TNFRSF11B: variants seen among roughly 807,000 people sequenced by gnomAD.
TNFRSF11B encodes TNF receptor superfamily member 11b.
Under a neutral mutation model 43.4 loss-of-function variants are expected in TNFRSF11B, and 16 were observed. That is an observed-to-expected ratio of 0.37 (90% CI 0.25 to 0.56). TNFRSF11B has a LOEUF of 0.56. Ranked by LOEUF, TNFRSF11B falls within the 20% of genes least tolerant of loss-of-function variation. TNFRSF11B has a pLI of 0.80. For synonymous variants in TNFRSF11B, 185 were observed against 181.8 expected (o/e 1.02, Z -0.14); for missense variants, 444 against 490.1 (o/e 0.91, Z 0.89).
At chr8:118,931,537 C>T (rs1812329164) in intron 2 of TNFRSF11B, among the ~76,000 whole-genome samples, 1 of 152,022 alleles carries the variant, frequency 6.6e-6, no homozygotes, top group East Asian at 1.9e-4. Flanking sequence ...GATGGGATTC[C>T]ACACCCCGCA....
Position 118,924,583 on chromosome 8 carries a change from G to A in TNFRSF11B, c.997C>T (p.Arg333Ter), listed in dbSNP as rs1307942060. 3.7e-6 allele frequency: 6 copies of A among 1,613,958 alleles called. No homozygotes were observed. Among genetic ancestry groups the A allele is most frequent in the African/African-American group, 2.7e-5 (2 of 74,880 alleles). ...GTGTCTTGGTCGCCATTTTTTATTCGCCACAAACTGAGCAGCTTCAGGATC... is the reference window on the plus strand; with the variant it reads ...GTGTCTTGGTCGCCATTTTTTATTCACCACAAACTGAGCAGCTTCAGGATC... ...DQILKLLSLW[R>*]IKNGDQDTLK... The change falls in exon 5 of 5, where the codon CGA becomes TGA. Residue 333 changes from arginine (R) to a stop codon, truncating the protein, a stop_gained. Coordinates refer to ENST00000297350, the MANE Select transcript of TNFRSF11B (RefSeq NM_002546.4). LOFTEE classifies it high-confidence loss of function.
intron 1 of TNFRSF11B, among the ~76,000 whole-genome samples, chr8:118,942,704 A>T (rs1256663801): frequency 6.6e-6 from 1 of 152,202 alleles, no homozygotes; most frequent in Non-Finnish European, 1.5e-5. Flanking sequence ...TTACATATAA[A>T]GAAACCGAAT....
Position 118,951,805 on chromosome 8 carries a change from C to A in TNFRSF11B, c.17G>T (p.Cys6Phe). 6.3e-7 allele frequency: 1 copy of A among 1,593,914 alleles called. No homozygotes were observed. The highest frequency in any genetic ancestry group is 8.5e-7 in the Non-Finnish European group (1 of 1,170,436). Reference sequence around the variant, plus strand: ...CCAGGGACTTACCACGAGCGCGCAGCACAGCAAGTTGTTCATTGTGGTCCC... The same window carrying A: ...CCAGGGACTTACCACGAGCGCGCAGAACAGCAAGTTGTTCATTGTGGTCCC... MNNLL[C>F]CALVFLDISI... Residue 6 changes from cysteine (C) to phenylalanine (F), a missense_variant, in exon 1 of 5, where the codon TGC (cysteine) becomes TTC (phenylalanine). Coordinates refer to ENST00000297350, the MANE Select transcript of TNFRSF11B (RefSeq NM_002546.4).
intron 1 of TNFRSF11B, among the ~76,000 whole-genome samples, chr8:118,948,278 C>CT (rs561133109): frequency 3.5e-4 from 52 of 149,824 alleles, no homozygotes; most frequent in Middle Eastern, 3.4e-3. Context: ...ATTCCCCAGC[C>CT]TTTTTTTTTT....
intron 1 of TNFRSF11B, among the ~76,000 whole-genome samples, chr8:118,941,542 T>G (rs1812485869): frequency 6.6e-6 from 1 of 152,192 alleles, no homozygotes; most frequent in Non-Finnish European, 1.5e-5. Context: ...TTCAGTGTAA[T>G]TTTTGTTCCC....
intron 1 of TNFRSF11B, among the ~76,000 whole-genome samples, chr8:118,939,518 G>A (rs1056886085): frequency 6.6e-6 from 1 of 152,178 alleles, no homozygotes; most frequent in Admixed American, 6.5e-5. Context: ...GAATAGGTAT[G>A]ACGTGTTGGC....
intron 2 of TNFRSF11B, among the ~76,000 whole-genome samples, chr8:118,932,535 CT>C (rs1174519711): frequency 6.6e-6 from 1 of 151,992 alleles, no homozygotes; most frequent in African/African-American, 2.4e-5. Flanking sequence ...AGCATAATTA[CT>C]CTCTTGGTAT....
intron 1 of TNFRSF11B, among the ~76,000 whole-genome samples, chr8:118,950,573 C>T (rs1014631752): frequency 6.6e-5 from 10 of 152,182 alleles, no homozygotes; most frequent in African/African-American, 2.4e-4. Context: ...CTCACAAGTG[C>T]TCACTTAGAA....
At chr8:118,946,120 C>T (rs1812557494) in intron 1 of TNFRSF11B, among the ~76,000 whole-genome samples, 2 of 152,028 alleles carry the variant, frequency 1.3e-5, no homozygotes, top group African/African-American at 2.4e-5. Context: ...ATTTCATTTC[C>T]TCTTGCATCC....
In TNFRSF11B at chr8:118,924,519, G is replaced by A. The variant is rs762541362; in HGVS notation, c.1061C>T (p.Thr354Met). 11 of 1,614,182 alleles carry A rather than the reference G, an allele frequency of 6.8e-6. No homozygotes were observed. The highest frequency in any genetic ancestry group is 3.3e-5 in the South Asian group (3 of 91,082). ...AGTGACAGTTTTGGGAAAGTGGTAC[G>A]TCTTTGAGTGCTTTAGTGCGTGCAT... Reference protein sequence around the residue: ...GLMHALKHSKTYHFPKTVTQS... With the variant: ...GLMHALKHSKMYHFPKTVTQS... The change falls in exon 5 of 5, where the codon ACG becomes ATG. Residue 354 changes from threonine to methionine, a missense_variant. Physicochemically the swap from Thr to Met is moderately conservative, Grantham distance 81 (BLOSUM62 -1). Coordinates refer to ENST00000297350, the MANE Select transcript of TNFRSF11B (RefSeq NM_002546.4).
intron 1 of TNFRSF11B, among the ~76,000 whole-genome samples, chr8:118,937,081 C>A (rs1004314094): frequency 6.6e-6 from 1 of 152,142 alleles, no homozygotes; most frequent in African/African-American, 2.4e-5. Flanking sequence ...AGCTTTATCC[C>A]TCTCCTTGCC....
rs1812279580 is a variant in TNFRSF11B, at chr8:118,928,620, A to G, written c.592+118T>C. 5.2e-6 allele frequency: 6 copies of G among 1,159,308 alleles called. No homozygotes were observed. The South Asian group carries it at 7.5e-5, about 15-fold the overall frequency. The allele number at this position is 1,159,308 out of a possible 1,614,324, so 71.8% of individuals were successfully genotyped here. ...TCGAGAGTAGCCTTAGCTGGTTAAGATTCAAGAAAGGGAAAATGTAAGTTT... is the reference window on the plus strand; with the variant it reads ...TCGAGAGTAGCCTTAGCTGGTTAAGGTTCAAGAAAGGGAAAATGTAAGTTT... On this transcript the variant is annotated intron_variant, in intron 3 of 4. Coordinates refer to ENST00000297350, the MANE Select transcript of TNFRSF11B (RefSeq NM_002546.4).
chr8:118,942,973 T>TCATCGATC (rs1554618272), intron 1 of TNFRSF11B, among the ~76,000 whole-genome samples: 1 of 152,032 alleles, frequency 6.6e-6, no homozygotes. Flanking sequence ...ACCCACCTAT[T>TCATCGATC]CATCCATCCA....
chr8:118,937,933 C>T (rs780607750), intron 1 of TNFRSF11B, among the ~76,000 whole-genome samples: 1 of 152,056 alleles, frequency 6.6e-6, no homozygotes, highest in African/African-American at 2.4e-5. Flanking sequence ...TGAATGTTTA[C>T]TTAAATGTTT....
In TNFRSF11B at chr8:118,933,110, C is replaced by G; in HGVS notation, c.221G>C (p.Trp74Ser). Residue 74 changes from tryptophan to serine, a missense_variant, in exon 2 of 5, where the codon TGG becomes TCG. By Grantham distance (177) the Trp-to-Ser change is radical. Transcript: ENST00000297350. ...GTATAGACACTCGTCACTGGTGTGC[C>G]AGCTGTCTGTGTAGTAGTGGTCAGG... ...PCPDHYYTDS[W>S]HTSDECLYCS... is the part of the protein sequence containing the mutation. 1 of 1,614,186 alleles carries G rather than the reference C, an allele frequency of 6.2e-7. No individual in the cohort carries two copies.
intron 3 of TNFRSF11B, 24 bp from the exon 4 acceptor site, chr8:118,926,742 G>T (rs779765236): frequency 2.5e-6 from 4 of 1,592,218 alleles, no homozygotes; most frequent in Non-Finnish European, 3.4e-6. Context: ...AGAAAACCCA[G>T]AAGATTTACT....
At chr8:118,932,347 A>G (rs968162478) in intron 2 of TNFRSF11B, among the ~76,000 whole-genome samples, 1 of 152,216 alleles carries the variant, frequency 6.6e-6, no homozygotes, top group African/African-American at 2.4e-5. Flanking sequence ...AAGATAAAGA[A>G]TAAGCTCATT....
chr8:118,945,156 T>C (rs1462486168), intron 1 of TNFRSF11B, among the ~76,000 whole-genome samples: 1 of 152,158 alleles, frequency 6.6e-6, no homozygotes, highest in African/African-American at 2.4e-5. Flanking sequence ...CATGAACCAA[T>C]GGGGCAGAAT....
chr8:118,928,715 G>T, intron 3 of TNFRSF11B, 23 bp downstream of exon 3: 1 of 1,612,178 alleles, frequency 6.2e-7, no homozygotes, highest in Non-Finnish European at 8.5e-7. Flanking sequence ...ATCGTACAAA[G>T]ACGTATTTTG....
Sources: allele counts gnomAD v4.1 joint callset (sites outside exome capture counted in the v4.1 genomes callset), GRCh38; gene constraint gnomAD v4.1.1; transcripts MANE v1.5; gene names NCBI Gene and HGNC (gene_info 2026-07-23, HGNC 2026-07-21).